Variants in COPB1 observed in about 807,000 individuals in gnomAD.
COPB1 encodes the protein coat protein complex I subunit beta 1, also known as coatomer subunit beta.
Under a neutral mutation model 108.7 loss-of-function variants are expected in COPB1, and 21 were observed. The observed-to-expected ratio is 0.19, with a 90% CI of 0.14 to 0.28. The LOEUF (loss-of-function observed/expected upper bound fraction) is 0.28, where lower values mean the gene tolerates loss of function less well. Among genes scored for constraint, COPB1 ranks in the 10% least tolerant of loss-of-function variants. The probability of loss-of-function intolerance (pLI) is 1.00; values close to 1 mark genes in which losing one functional copy is unlikely to be tolerated. For synonymous variants in COPB1, 378 were observed against 386.8 expected (o/e 0.98, Z 0.27); for missense variants, 919 against 1,141.3 (o/e 0.81, Z 2.81).
intron 2 of COPB1, among the ~76,000 whole-genome samples, chr11:14,496,664 T>C (rs1339462883): frequency 6.8e-6 from 1 of 146,032 alleles, no homozygotes; most frequent in East Asian, 2.0e-4. Context: ...CCCATCAAAA[T>C]ACCAATGACA....
chr11:14,459,457 T>A (rs1850096394), intron 20 of COPB1, among the ~76,000 whole-genome samples: 1 of 152,056 alleles, frequency 6.6e-6, no homozygotes, highest in African/African-American at 2.4e-5. Context: ...AGCTCCAGCT[T>A]CATTTTTCTT....
intron 20 of COPB1, among the ~76,000 whole-genome samples, chr11:14,459,155 T>C (rs1326930471): frequency 6.6e-6 from 1 of 152,214 alleles, no homozygotes; most frequent in African/African-American, 2.4e-5. Context: ...CAACTATACA[T>C]GTAAAAAGTG....
chr11:14,466,155 A>G, intron 17 of COPB1, 127 bp downstream of exon 17: 1 of 910,496 alleles, frequency 1.1e-6, no homozygotes, highest in Non-Finnish European at 1.6e-6. Context: ...ATGAAAAACT[A>G]AGCCTTGATT....
At chr11:14,464,800 T>C in intron 18 of COPB1, 111 bp downstream of exon 18, 1 of 1,188,698 alleles carries the variant, frequency 8.4e-7, no homozygotes, top group South Asian at 1.5e-5. Context: ...TCTCATAAAT[T>C]ATGAATAAAT....
At chr11:14,460,664 G>A (rs558678041) in intron 19 of COPB1, among the ~76,000 whole-genome samples, 13 of 151,888 alleles carry the variant, frequency 8.6e-5, no homozygotes, top group Non-Finnish European at 1.5e-4. Flanking sequence ...CTACCACACC[G>A]GGCTAATTTT....
intron 12 of COPB1, 45 bp downstream of exon 12, chr11:14,476,874 G>A (rs1419226748): frequency 1.6e-6 from 2 of 1,269,536 alleles, no homozygotes; most frequent in South Asian, 1.2e-5. Flanking sequence ...TTTTCCTAAA[G>A]GAAAAATTAC....
intron 2 of COPB1, among the ~76,000 whole-genome samples, chr11:14,497,945 A>G (rs961160269): frequency 6.6e-6 from 1 of 152,238 alleles, no homozygotes; most frequent in Admixed American, 6.5e-5. Context: ...TCAGGCATAG[A>G]AAGACAAACT....
chr11:14,479,471 T>C (rs1323788388), intron 11 of COPB1, 98 bp downstream of exon 11: 5 of 1,200,628 alleles, frequency 4.2e-6, no homozygotes, highest in East Asian at 4.9e-5. Context: ...TTTGGCTTGA[T>C]TGTCCTCTCC....
chr11:14,476,041 C>T (rs1253549438), intron 12 of COPB1, 96 bp from the exon 13 acceptor site: 2 of 1,127,394 alleles, frequency 1.8e-6, no homozygotes, highest in South Asian at 1.7e-5. Flanking sequence ...AAGGCATTAC[C>T]CTAATGGGAT....
At position 14,493,684 on chromosome 11, in the gene COPB1, T is replaced by C; in HGVS notation, c.449A>G (p.Tyr150Cys). 6.2e-7 allele frequency: 1 copy of C among 1,613,328 alleles called. No individual in the cohort carries two copies. The highest frequency in any genetic ancestry group is 1.3e-5 in the African/African-American group (1 of 75,032). Residue 150 changes from tyrosine (Y) to cysteine (C), a missense_variant, in exon 4 of 22, where the codon TAT becomes TGT. This residue lies in a region of COPB1 where 78 missense variants were observed against 95.4 expected (regional missense o/e 0.82). Transcript: ENST00000439561. ...GGCCAAAACAGCATTTCTTCTAACA[T>C]AGCTGTGTCGATGCTCCAAACATGC... ...IRACLEHRHS[Y>C]VRRNAVLAIY... is the part of the protein sequence containing the mutation.
chr11:14,461,115 T>G, intron 19 of COPB1, 71 bp downstream of exon 19: 3 of 1,573,378 alleles, frequency 1.9e-6, no homozygotes, highest in Non-Finnish European at 2.6e-6. Context: ...TTAATTTTAT[T>G]AGCAGACTCC....
intron 19 of COPB1, among the ~76,000 whole-genome samples, 175 bp downstream of exon 19, chr11:14,461,011 C>A (rs1850135617): frequency 6.6e-6 from 1 of 152,128 alleles, no homozygotes; most frequent in African/African-American, 2.4e-5. Context: ...CAGCAAATTA[C>A]CAAACTACTT....
intron 20 of COPB1, among the ~76,000 whole-genome samples, chr11:14,459,763 C>T (rs1297569660): frequency 1.3e-5 from 2 of 152,064 alleles, no homozygotes; most frequent in East Asian, 1.9e-4. Context: ...ATTACAGGCA[C>T]GTGCCACCAC....
chr11:14,472,865 GTCT>G (rs1178284813), intron 14 of COPB1, among the ~76,000 whole-genome samples: 1 of 152,226 alleles, frequency 6.6e-6, no homozygotes, highest in Admixed American at 6.5e-5. Flanking sequence ...GAGAGTTAAG[GTCT>G]TAGTCTGGAT....
rs757799194 is a variant in COPB1, at chr11:14,460,320, AAGG to A, written c.2557-26_2557-24del. ...CACCTGTAGAGAGGAAAAAAAAGTCAAGGAGATCATAAATCTTACTATGAGAAA... is the reference window on the plus strand; with the variant it reads ...CACCTGTAGAGAGGAAAAAAAAGTCAAGATCATAAATCTTACTATGAGAAA... On this transcript the variant is annotated intron_variant, in intron 19 of 21. Transcript: ENST00000439561. The A allele has an allele frequency of 3.5e-6, 5 of 1,434,980 alleles. No homozygotes were observed. The South Asian group carries it at 4.8e-5, about 14-fold the overall frequency. The allele number at this position is 1,434,980 out of a possible 1,614,324, so 88.9% of individuals were successfully genotyped here. A position where few individuals can be genotyped will look rare whatever the true frequency, so the allele number is the denominator to read the frequency against.
chr11:14,464,785 G>C, intron 18 of COPB1, 126 bp downstream of exon 18: 3 of 1,011,446 alleles, frequency 3.0e-6, no homozygotes, highest in Non-Finnish European at 4.3e-6. Flanking sequence ...GTACCATAGA[G>C]AGTATCTCAT....
intron 16 of COPB1, among the ~76,000 whole-genome samples, 184 bp from the exon 17 acceptor site, chr11:14,466,610 C>A (rs1441802091): frequency 6.6e-6 from 1 of 152,114 alleles, no homozygotes; most frequent in African/African-American, 2.4e-5. Flanking sequence ...TAAGAAATAA[C>A]AGGTCCTAGA....
chr11:14,486,553 T>C, intron 6 of COPB1, 49 bp from the exon 7 acceptor site: 1 of 1,598,804 alleles, frequency 6.3e-7, no homozygotes, highest in Non-Finnish European at 8.5e-7. Context: ...AACGCTTGTT[T>C]TCAAATGGAG....
At chr11:14,466,161 T>C (rs1166413090) in intron 17 of COPB1, 121 bp downstream of exon 17, 3 of 965,004 alleles carry the variant, frequency 3.1e-6, no homozygotes, top group African/African-American at 1.6e-5. Flanking sequence ...AACTAAGCCT[T>C]GATTCAAAAT....
Sources: gnomAD v4.1 joint callset for allele counts (sites outside exome capture counted in the v4.1 genomes callset) on GRCh38, gnomAD v4.1.1 for gene constraint, gnomAD v4.1.1 regional missense constraint, MANE v1.5 for transcripts, NCBI Gene and HGNC (gene_info 2026-07-23, HGNC 2026-07-21) for gene names.